Variants in SYT1 observed in about 807,000 individuals in gnomAD.
The protein encoded by SYT1 is synaptotagmin 1.
Under a neutral mutation model 44.8 loss-of-function variants are expected in SYT1, and 8 were observed. That is an observed-to-expected ratio of 0.18 (90% CI 0.10 to 0.32). The LOEUF (loss-of-function observed/expected upper bound fraction) is 0.32, where lower values mean the gene tolerates loss of function less well. Among genes scored for constraint, SYT1 ranks in the 10% least tolerant of loss-of-function variants. The probability of loss-of-function intolerance (pLI) is 1.00; values close to 1 mark genes in which losing one functional copy is unlikely to be tolerated. For synonymous variants in SYT1, 154 were observed against 188.8 expected (o/e 0.82, Z 1.51); for missense variants, 286 against 509.3 (o/e 0.56, Z 4.22).
intron 3 of SYT1, among the ~76,000 whole-genome samples, chr12:79,193,981 T>C (rs1050081064): frequency 6.6e-6 from 1 of 152,174 alleles, no homozygotes; most frequent in Non-Finnish European, 1.5e-5. Flanking sequence ...AAATACAGAC[T>C]CATGATTGTA....
intron 3 of SYT1, among the ~76,000 whole-genome samples, chr12:79,191,261 G>A (rs1526969): frequency 0.65 from 97,987 of 151,848 alleles, 31,975 homozygotes; most frequent in Admixed American, 0.7. Context: ...AATAAGGAAT[G>A]TCTTGATGAA....
intron 9 of SYT1, among the ~76,000 whole-genome samples, chr12:79,420,417 T>A (rs1405709560): frequency 6.6e-6 from 1 of 152,160 alleles, no homozygotes; most frequent in Non-Finnish European, 1.5e-5. Context: ...GGTCCCTCCC[T>A]TCTTTACTGG....
chr12:78,957,924 C>T lies in SYT1; in HGVS notation c.-216-19875C>T, dbSNP rs994839773. On this transcript the variant is annotated intron_variant, in intron 1 of 10. Transcript: ENST00000261205. ...TTGACCCAATCTGTAATTTTATTTG[C>T]TTTCCAGCCTTCAGATAATTTTCAA... is the stretch of plus-strand genomic sequence containing the variant. Among the ~76,000 whole-genome samples, 8 of 152,244 alleles carry T rather than the reference C, an allele frequency of 5.3e-5. No homozygotes were observed. In the East Asian group the frequency reaches 1.4e-3, roughly 26 times the overall value.
chr12:79,165,344 A>G (rs1377023867), intron 3 of SYT1, among the ~76,000 whole-genome samples: 3 of 151,968 alleles, frequency 2.0e-5, no homozygotes, highest in Admixed American at 6.6e-5. Context: ...GTAGCTTGAG[A>G]GTATTCTTCA....
chr12:79,244,060 T>TTA (rs1876676987), intron 4 of SYT1, among the ~76,000 whole-genome samples: 1 of 152,214 alleles, frequency 6.6e-6, no homozygotes, highest in South Asian at 2.1e-4. Flanking sequence ...TAATGAACTC[T>TTA]TACACCACAT....
At chr12:79,145,507 G>T (rs1804159965) in intron 3 of SYT1, among the ~76,000 whole-genome samples, 1 of 151,880 alleles carries the variant, frequency 6.6e-6, no homozygotes, top group Admixed American at 6.6e-5. Context: ...CAAGTGTATG[G>T]TATGTATGCT....
At chr12:79,433,720 C>A (rs1457460265) in intron 9 of SYT1, among the ~76,000 whole-genome samples, 1 of 152,214 alleles carries the variant, frequency 6.6e-6, no homozygotes, top group Admixed American at 6.5e-5. Context: ...GACATTATTA[C>A]TACCATTCTT....
intron 3 of SYT1, among the ~76,000 whole-genome samples, chr12:79,123,035 A>G (rs1187763834): frequency 6.6e-6 from 1 of 152,216 alleles, no homozygotes; most frequent in Non-Finnish European, 1.5e-5. Flanking sequence ...GACAATTTCT[A>G]CAGTCACCCA....
At chr12:79,336,316 T>C (rs1882088116) in intron 8 of SYT1, among the ~76,000 whole-genome samples, 1 of 152,184 alleles carries the variant, frequency 6.6e-6, no homozygotes, top group Non-Finnish European at 1.5e-5. Context: ...TTCCACTGCT[T>C]TCCCCACGAT....
At position 78,890,138 on chromosome 12, in the gene SYT1, C is replaced by A. The variant is rs571393592; in HGVS notation, c.-217+25029C>A. ...AATATTTTTTTCTTTTCAAGCAGTG[C>A]TTTTATTTCTTACAATCTGTACAAT... On this transcript the variant is annotated intron_variant, in intron 1 of 10. Transcript: ENST00000261205. Among the ~76,000 whole-genome samples, 13 of 151,966 alleles carry A rather than the reference C, an allele frequency of 8.6e-5. No homozygotes were observed. The East Asian group carries it at 2.5e-3, about 30-fold the overall frequency.
chr12:78,866,650 G>T (rs1460753421), intron 1 of SYT1, among the ~76,000 whole-genome samples: 7 of 152,146 alleles, frequency 4.6e-5, no homozygotes, highest in Admixed American at 4.6e-4. Flanking sequence ...GAGGTATAGA[G>T]AAATGCCTCG....
chr12:79,355,185 G>A (rs1883063832), intron 9 of SYT1, among the ~76,000 whole-genome samples: 1 of 152,158 alleles, frequency 6.6e-6, no homozygotes, highest in South Asian at 2.1e-4. Flanking sequence ...CTGGCTGCAG[G>A]CATTTTGGAA....
intron 3 of SYT1, among the ~76,000 whole-genome samples, chr12:79,111,174 G>T (rs1397353446): frequency 6.6e-6 from 1 of 152,066 alleles, no homozygotes; most frequent in Non-Finnish European, 1.5e-5. Flanking sequence ...GTGATCTAGC[G>T]CAGTATTTGT....
chr12:79,058,426 C>T (rs1875125663), intron 3 of SYT1, among the ~76,000 whole-genome samples: 1 of 152,076 alleles, frequency 6.6e-6, no homozygotes, highest in Admixed American at 6.6e-5. Flanking sequence ...ACACAGCCTT[C>T]TCTCTCTTTG....
intron 1 of SYT1, among the ~76,000 whole-genome samples, chr12:78,893,219 A>T (rs1017610893): frequency 6.6e-6 from 1 of 151,786 alleles, no homozygotes; most frequent in Non-Finnish European, 1.5e-5. Flanking sequence ...ACATTTTTCA[A>T]TTTGCTAATA....
At chr12:78,936,420 C>T (rs1878060824) in intron 1 of SYT1, among the ~76,000 whole-genome samples, 2 of 152,062 alleles carry the variant, frequency 1.3e-5, no homozygotes, top group Admixed American at 1.3e-4. Context: ...TGCTTATTTA[C>T]TGTTTCTTAA....
chr12:78,894,028 T>C (rs1875202889), intron 1 of SYT1, among the ~76,000 whole-genome samples: 1 of 151,600 alleles, frequency 6.6e-6, no homozygotes, highest in African/African-American at 2.4e-5. Flanking sequence ...AGCACTGTGT[T>C]CTTTCTACCT....
chr12:78,989,829 C>T (rs981073643), intron 2 of SYT1, among the ~76,000 whole-genome samples: 9 of 152,082 alleles, frequency 5.9e-5, no homozygotes, highest in African/African-American at 2.2e-4. Context: ...TCCATGTCTG[C>T]TACAGGAGAC....
intron 3 of SYT1, among the ~76,000 whole-genome samples, chr12:79,089,516 G>GA (rs540940722): frequency 2.9e-4 from 38 of 131,692 alleles, no homozygotes; most frequent in Middle Eastern, 3.9e-3. Flanking sequence ...AAAAAGAAAA[G>GA]AAAAAAAAAA....
Sources: gnomAD v4.1 joint callset for allele counts (sites outside exome capture counted in the v4.1 genomes callset) on GRCh38, gnomAD v4.1.1 for gene constraint, MANE v1.5 for transcripts, NCBI Gene and HGNC (gene_info 2026-07-23, HGNC 2026-07-21) for gene names.